Variants in PRDM11 observed in about 807,000 individuals in gnomAD.
The protein encoded by PRDM11 is PR/SET domain 11.
A neutral mutation model predicts 97.8 loss-of-function variants in PRDM11; 20 were observed. The observed-to-expected ratio is 0.20, with a 90% CI of 0.14 to 0.30. PRDM11 has a LOEUF of 0.30. Ranked by LOEUF, PRDM11 falls within the 10% of genes least tolerant of loss-of-function variation. The pLI is 1.00. For missense variants in PRDM11, 1,139 were observed against 1,555.2 expected (o/e 0.73, Z 4.50); for synonymous variants, 599 against 637.7 (o/e 0.94, Z 0.91).
At chr11:45,136,999 A>G (rs868029249) in intron 1 of PRDM11, among the ~76,000 whole-genome samples, 5,720 of 150,844 alleles carry the variant, frequency 0.038, 407 homozygotes, top group African/African-American at 0.13. Flanking sequence ...CAAAAAAAAA[A>G]AAAAAGAAAA....
chr11:45,107,333 G>A (rs1473940445), intron 1 of PRDM11, among the ~76,000 whole-genome samples: 1 of 152,186 alleles, frequency 6.6e-6, no homozygotes, highest in Non-Finnish European at 1.5e-5. Flanking sequence ...GCAAAACGGG[G>A]CTAATTATAG....
Position 45,224,228 on chromosome 11 carries a change from T to C in PRDM11, c.754T>C (p.Leu252=). The change falls in exon 7 of 8, where the codon TTG becomes CTG. Residue 252 remains leucine, a synonymous_variant. Coordinates refer to ENST00000683152, the MANE Select transcript of PRDM11 (RefSeq NM_001384648.1). ...HRNLARGEKR[L]QREKSEQVLD... is the part of the protein sequence containing the mutation. ...GTTTTCCTTCCTAGGAGAGAAGAGG[T>C]TGCAGAGGGAGAAGTCTGAGCAGGT... is the stretch of plus-strand genomic sequence containing the variant. The C allele has an allele frequency of 6.3e-7, 1 of 1,587,396 alleles. No individual in the cohort carries two copies. Among genetic ancestry groups the C allele is most frequent in the Non-Finnish European group, 8.6e-7 (1 of 1,169,004 alleles).
chr11:45,155,668 C>G (rs983246225), intron 1 of PRDM11, among the ~76,000 whole-genome samples: 1 of 151,840 alleles, frequency 6.6e-6, no homozygotes, highest in Non-Finnish European at 1.5e-5. Flanking sequence ...GAAGGAAAAG[C>G]CCCTTAGCCT....
intron 3 of PRDM11, 88 bp downstream of exon 3, chr11:45,182,437 G>A (rs1045259202): frequency 8.1e-7 from 1 of 1,227,168 alleles, no homozygotes; most frequent in African/African-American, 1.5e-5. Flanking sequence ...ATGCTACTAA[G>A]ATAGGTCCTC....
upstream of PRDM11, among the ~76,000 whole-genome samples, chr11:45,144,613 C>T (rs1337802104): frequency 1.3e-5 from 2 of 152,180 alleles, no homozygotes; most frequent in African/African-American, 4.8e-5. Context: ...CCCTCATCTC[C>T]GATATCTCTG....
intron 1 of PRDM11, among the ~76,000 whole-genome samples, chr11:45,165,318 C>T (rs1852035883): frequency 6.6e-6 from 1 of 152,228 alleles, no homozygotes; most frequent in South Asian, 2.1e-4. Flanking sequence ...TGTCTTCATC[C>T]ATTCACCAAA....
At chr11:45,130,599 T>G (rs1565246172) in intron 1 of PRDM11, among the ~76,000 whole-genome samples, 1 of 152,184 alleles carries the variant, frequency 6.6e-6, no homozygotes, top group Non-Finnish European at 1.5e-5. Flanking sequence ...CTCACTCATG[T>G]ATTGTTTTTG....
chr11:45,177,522 T>C (rs932347944), intron 1 of PRDM11, among the ~76,000 whole-genome samples: 5 of 152,276 alleles, frequency 3.3e-5, no homozygotes, highest in African/African-American at 9.6e-5. Flanking sequence ...GGAAGTTCAT[T>C]TGGTCCTGCC....
intron 1 of PRDM11, among the ~76,000 whole-genome samples, chr11:45,168,480 G>C (rs929617460): frequency 2.0e-5 from 3 of 152,208 alleles, no homozygotes; most frequent in Admixed American, 6.5e-5. Flanking sequence ...TGCGCCGAGT[G>C]GCTGGCGGTG....
chr11:45,158,377 C>T (rs1375843734), intron 1 of PRDM11, among the ~76,000 whole-genome samples: 1 of 152,232 alleles, frequency 6.6e-6, no homozygotes, highest in Non-Finnish European at 1.5e-5. Flanking sequence ...TGCCTCCCTC[C>T]CTGCAGCTCC....
At chr11:45,206,195 C>G (rs545382376) in intron 5 of PRDM11, among the ~76,000 whole-genome samples, 1 of 152,326 alleles carries the variant, frequency 6.6e-6, no homozygotes, top group South Asian at 2.1e-4. Flanking sequence ...CCTGCCCCAC[C>G]ACACCCCATG....
chr11:45,218,669 A>G (rs75930524), intron 5 of PRDM11, among the ~76,000 whole-genome samples: 3,776 of 151,822 alleles, frequency 0.025, 143 homozygotes, highest in African/African-American at 0.087. Flanking sequence ...GTACACCTTC[A>G]CTCCTCGGCA....
At position 45,212,400 on chromosome 11, in the gene PRDM11, G is replaced by T. The variant is rs182961392; in HGVS notation, c.555-7170G>T. 50 of 351,348 alleles carry T rather than the reference G, an allele frequency of 1.4e-4. No individual in the cohort carries two copies. In the East Asian group the frequency reaches 2.7e-3, roughly 19 times the overall value. The allele number at this position is 351,348 out of a possible 1,614,324, so 21.8% of individuals were successfully genotyped here. The stretch of plus-strand genomic sequence containing the variant: ...TACTCAGGTGTTTTTCAGGGGCAGG[G>T]CCAACCCCTGGGCCTCCCTCCTTCT... On this transcript the variant is annotated intron_variant, in intron 5 of 7. Coordinates refer to ENST00000683152, the MANE Select transcript of PRDM11 (RefSeq NM_001384648.1).
intron 1 of PRDM11, among the ~76,000 whole-genome samples, chr11:45,114,093 C>T (rs1389974174): frequency 1.3e-5 from 2 of 151,934 alleles, no homozygotes; most frequent in Non-Finnish European, 2.9e-5. Context: ...TGTCCCAATT[C>T]TCAGGGGAAG....
At chr11:45,098,591 A>G (rs1851923140) in intron 1 of PRDM11, among the ~76,000 whole-genome samples, 1 of 152,204 alleles carries the variant, frequency 6.6e-6, no homozygotes, top group Admixed American at 6.5e-5. Context: ...TGGGATTTGC[A>G]TCCATGTGGT....
rs58370095 is a variant in PRDM11 at position 45,171,389 on chromosome 11, C to T, written c.-6-10372C>T. Among the ~76,000 whole-genome samples the T allele has an allele frequency of 7.0e-3, 1,059 of 152,262 alleles. 11 individuals carry two copies. Among genetic ancestry groups the T allele is most frequent in the African/African-American group, 0.024 (1,009 of 41,548 alleles). ...TGCTGGGATTACAGGCCTCAGCCAC[C>T]GTGCCCAGCCGGTTATGTGGATTTT... On this transcript the variant is annotated intron_variant, in intron 1 of 7. Coordinates refer to ENST00000683152, the MANE Select transcript of PRDM11 (RefSeq NM_001384648.1).
chr11:45,101,167 G>C (rs1051375389), intron 1 of PRDM11, among the ~76,000 whole-genome samples: 2 of 152,144 alleles, frequency 1.3e-5, no homozygotes, highest in Non-Finnish European at 2.9e-5. Flanking sequence ...TGAGAGGAGA[G>C]AGCTAAGGAG....
intron 1 of PRDM11, among the ~76,000 whole-genome samples, chr11:45,126,202 C>T (rs930310744): frequency 2.0e-5 from 3 of 152,170 alleles, no homozygotes; most frequent in East Asian, 1.9e-4. Flanking sequence ...GATCTTCCTC[C>T]ATCCCTTTAT....
intron 6 of PRDM11, among the ~76,000 whole-genome samples, chr11:45,221,325 G>A (rs1565343280): frequency 2.0e-5 from 3 of 152,142 alleles, no homozygotes; most frequent in Admixed American, 1.3e-4. Context: ...TGTGACCTCT[G>A]GAGATGCCTC....
Sources: allele counts gnomAD v4.1 joint callset (sites outside exome capture counted in the v4.1 genomes callset), GRCh38; gene constraint gnomAD v4.1.1; transcripts MANE v1.5; gene names NCBI Gene and HGNC (gene_info 2026-07-23, HGNC 2026-07-21).